JMJD1C: variants seen among roughly 807,000 people sequenced by gnomAD.
JMJD1C encodes the protein jumonji domain-containing protein 1C.
JMJD1C carries 31 observed loss-of-function variants against 245.3 expected under a neutral mutation model. The observed-to-expected ratio is 0.13, with a 90% CI of 0.09 to 0.17. JMJD1C has a LOEUF of 0.17. JMJD1C is among the 10% of genes least tolerant of loss of function. The pLI is 1.00. For synonymous variants in JMJD1C, 1,057 were observed against 1,017.4 expected, an observed-to-expected ratio of 1.04 and a Z score of -0.74; for missense variants, 2,691 against 3,000.2, an observed-to-expected ratio of 0.90 and a Z score of 2.41.
At chr10:63,341,601 T>C (rs1248262747) in intron 2 of JMJD1C, among the ~76,000 whole-genome samples, 1 of 152,210 alleles carries the variant, frequency 6.6e-6, no homozygotes, top group African/African-American at 2.4e-5. Context: ...TCACAAACAT[T>C]CTCTACCAGT....
At chr10:63,330,007 T>A (rs1348693913) in intron 2 of JMJD1C, among the ~76,000 whole-genome samples, 1 of 152,232 alleles carries the variant, frequency 6.6e-6, no homozygotes, top group Non-Finnish European at 1.5e-5. Context: ...TTCAAGAGAT[T>A]CTCGTGTCTC....
In JMJD1C at chr10:63,417,801, C is replaced by A. The variant is rs754984559; in HGVS notation, c.169-37319G>T. On this transcript the variant is annotated intron_variant, in intron 1 of 25. Coordinates refer to ENST00000399262, the MANE Select transcript of JMJD1C (RefSeq NM_032776.3). ...TTAAGAAAGTTAGGTCCTAAACAAT[C>A]CACTCCCTTAAGGAACACTGCAAGG... 3.3e-5 allele frequency among the ~76,000 whole-genome samples: 5 copies of A among 152,100 alleles called. 1 individual carries two copies. In the South Asian group the frequency reaches 1.0e-3, roughly 32 times the overall value.
At chr10:63,277,503 A>T (rs1250160197) in intron 2 of JMJD1C, among the ~76,000 whole-genome samples, 2 of 152,154 alleles carry the variant, frequency 1.3e-5, no homozygotes, top group Admixed American at 1.3e-4. Flanking sequence ...TTTCTTTTAC[A>T]AAAGGGCAGC....
At chr10:63,453,179 G>T (rs1952177711) in intron 1 of JMJD1C, among the ~76,000 whole-genome samples, 1 of 152,142 alleles carries the variant, frequency 6.6e-6, no homozygotes, top group South Asian at 2.1e-4. Context: ...GGAGGCTGAG[G>T]CATGAGAATC....
intron 1 of JMJD1C, among the ~76,000 whole-genome samples, chr10:63,475,975 G>A (rs1372368174): frequency 6.6e-6 from 1 of 152,086 alleles, no homozygotes; most frequent in Non-Finnish European, 1.5e-5. Flanking sequence ...TTGGGAGGCT[G>A]AAGTGGGTGG....
intron 3 of JMJD1C, among the ~76,000 whole-genome samples, chr10:63,249,092 G>A (rs1852685964): frequency 6.6e-6 from 1 of 152,174 alleles, no homozygotes; most frequent in African/African-American, 2.4e-5. Flanking sequence ...AAGGCGGGTG[G>A]ATCACCTGAG....
intron 1 of JMJD1C, among the ~76,000 whole-genome samples, chr10:63,426,850 A>T (rs1184167673): frequency 6.6e-6 from 1 of 152,246 alleles, no homozygotes; most frequent in Non-Finnish European, 1.5e-5. Flanking sequence ...AGAGAAAAAG[A>T]TAGAAAATTA....
chr10:63,420,956 A>T (rs757133951), intron 1 of JMJD1C, among the ~76,000 whole-genome samples: 1 of 152,178 alleles, frequency 6.6e-6, no homozygotes, highest in Non-Finnish European at 1.5e-5. Flanking sequence ...ATTGAAACTG[A>T]TAACTTTCTG....
chr10:63,286,911 TG>T (rs1858048433), intron 2 of JMJD1C, among the ~76,000 whole-genome samples: 1 of 152,132 alleles, frequency 6.6e-6, no homozygotes, highest in African/African-American at 2.4e-5. Context: ...CAATCATTGT[TG>T]ATCTCAACTT....
chr10:63,392,824 CAAAA>C (rs991038264), intron 1 of JMJD1C, among the ~76,000 whole-genome samples: 4 of 28,804 alleles, frequency 1.4e-4, no homozygotes, highest in African/African-American at 6.7e-4. Flanking sequence ...ACTTCGTCTC[CAAAA>C]AAAAAAAAAA....
intron 3 of JMJD1C, chr10:63,222,909 A>G (rs1488343304): frequency 2.3e-5 from 34 of 1,499,708 alleles, no homozygotes; most frequent in Non-Finnish European, 3.1e-5. Context: ...GAAAGTGGGC[A>G]CTGCTTAAAA....
At chr10:63,188,277 G>A (rs546545352) in intron 18 of JMJD1C, among the ~76,000 whole-genome samples, 1 of 152,314 alleles carries the variant, frequency 6.6e-6, no homozygotes, top group Non-Finnish European at 1.5e-5. Flanking sequence ...ATCAGGGCTT[G>A]AAGGAGACCA....
chr10:63,406,116 T>C (rs1949154426), intron 1 of JMJD1C, among the ~76,000 whole-genome samples: 1 of 152,056 alleles, frequency 6.6e-6, no homozygotes, highest in African/African-American at 2.4e-5. Flanking sequence ...GCAGACAAAA[T>C]AAACAACTAC....
chr10:63,224,537 T>A (rs1479116784), intron 3 of JMJD1C, among the ~76,000 whole-genome samples: 1 of 152,172 alleles, frequency 6.6e-6, no homozygotes, highest in Non-Finnish European at 1.5e-5. Context: ...AAGAGGATTA[T>A]TAAAGGTTAA....
chr10:63,248,521 A>AACAG (rs1852570911), intron 3 of JMJD1C, among the ~76,000 whole-genome samples: 1 of 134,528 alleles, frequency 7.4e-6, no homozygotes, highest in African/African-American at 2.8e-5. Context: ...ACCTCATCTC[A>AACAG]ATAGATAGAT....
In JMJD1C at chr10:63,208,760, A is replaced by G; in HGVS notation, c.2909T>C (p.Val970Ala). ...RKAFMEPLRS[V>A]ASTSAKNDLD... Reference sequence around the variant, plus strand: ...GTCATTTTTGGCTGATGTGGATGCAACAGACCGTAATGGTTCCATAAAAGC... The same window carrying G: ...GTCATTTTTGGCTGATGTGGATGCAGCAGACCGTAATGGTTCCATAAAAGC... Residue 970 changes from valine to alanine, a missense_variant, in exon 10 of 26, where the codon GTT becomes GCT. Physicochemically the swap from Val to Ala is moderately conservative, Grantham distance 64. Around this residue, in one of 9 missense-constraint regions of JMJD1C, gnomAD observed 1,562 missense variants for 1,490.7 expected, o/e 1.05. Transcript: ENST00000399262. The G allele has an allele frequency of 1.9e-6, 3 of 1,611,254 alleles. No individual in the cohort carries two copies. Among genetic ancestry groups the G allele is most frequent in the South Asian group, 1.1e-5 (1 of 90,260 alleles).
In JMJD1C at chr10:63,358,130, T is replaced by C. The variant is rs186421148; in HGVS notation, c.333+22188A>G. Among the ~76,000 whole-genome samples the C allele has an allele frequency of 1.9e-3, 283 of 152,168 alleles. 4 individuals carry two copies. Among genetic ancestry groups the C allele is most frequent in the Admixed American group, 0.018 (269 of 15,278 alleles). On this transcript the variant is annotated intron_variant, in intron 2 of 25. Transcript: ENST00000399262. Reference sequence around the variant, plus strand: ...TTCCAAGTATAACAAAAGAGATGAATAGATATAGGAAATACTTATAATGGA... The same window carrying C: ...TTCCAAGTATAACAAAAGAGATGAACAGATATAGGAAATACTTATAATGGA...
rs186446951 is a variant in JMJD1C, at chr10:63,191,155, G to A, written c.6077-47C>T. 5.8e-4 allele frequency: 846 copies of A among 1,459,330 alleles called. 4 individuals carry two copies. In the African/African-American group the frequency reaches 8.8e-3, roughly 15 times the overall value. The allele number at this position is 1,459,330 out of a possible 1,614,324, so 90.4% of individuals were successfully genotyped here. A position where few individuals can be genotyped will look rare whatever the true frequency, so the allele number is the denominator to read the frequency against. On this transcript the variant is annotated intron_variant, in intron 16 of 25. Transcript: ENST00000399262. The stretch of plus-strand genomic sequence containing the variant: ...ATTTTGTTTTGTTTTGTTTTGAGAC[G>A]GAGTCTCATTCTGTCGCCCAGGCTG...
intron 1 of JMJD1C, among the ~76,000 whole-genome samples, chr10:63,387,161 A>C (rs979618079): frequency 3.9e-5 from 6 of 152,232 alleles, no homozygotes; most frequent in Non-Finnish European, 8.8e-5. Flanking sequence ...ATACATCTCT[A>C]GGAAAAATTC....
Sources: allele counts gnomAD v4.1 joint callset (sites outside exome capture counted in the v4.1 genomes callset), GRCh38; gene constraint gnomAD v4.1.1; regional missense constraint gnomAD v4.1.1; transcripts MANE v1.5; gene names NCBI Gene and HGNC (gene_info 2026-07-23, HGNC 2026-07-21).